Variants in RSF1 observed in about 807,000 individuals in gnomAD.
The protein encoded by RSF1 is remodeling and spacing factor 1, also known as HBV pX-associated protein 8.
RSF1 carries 13 observed loss-of-function variants against 145.2 expected under a neutral mutation model. The ratio of observed to expected loss-of-function variants is 0.09; its 90% CI spans 0.06 to 0.14. The LOEUF is 0.14. Ranked by LOEUF, RSF1 falls within the 10% of genes least tolerant of loss-of-function variation. RSF1 has a pLI of 1.00. For missense variants in RSF1, 1,517 were observed against 1,718.2 expected (o/e 0.88, Z 2.07); for synonymous variants, 577 against 592.6 (o/e 0.97, Z 0.38).
At chr11:77,695,029 T>C (rs1321111049) in intron 7 of RSF1, among the ~76,000 whole-genome samples, 2 of 152,210 alleles carry the variant, frequency 1.3e-5, no homozygotes, top group Non-Finnish European at 2.9e-5. Context: ...ACTGCTGTTA[T>C]TAACTTTGGT....
At chr11:77,815,073 TG>T (rs1948769308) in intron 1 of RSF1, among the ~76,000 whole-genome samples, 1 of 152,112 alleles carries the variant, frequency 6.6e-6, no homozygotes, top group Admixed American at 6.5e-5. Context: ...GATCAGGAAA[TG>T]GAAGTAAAGG....
In RSF1 at chr11:77,741,268, C is replaced by T. The variant is rs567081402; in HGVS notation, c.373-332G>A. On this transcript the variant is annotated intron_variant, in intron 3 of 15. Transcript: ENST00000308488. ...ATAAGATTTTCTGTTTTAGGCCAGG[C>T]ACAGTGGCTGACACCTGTAATCCCA... 2.2e-3 allele frequency among the ~76,000 whole-genome samples: 336 copies of T among 152,260 alleles called. 2 individuals carry two copies. Among genetic ancestry groups the T allele is most frequent in the African/African-American group, 7.9e-3 (328 of 41,538 alleles).
chr11:77,735,100 C>A (rs998884183), intron 4 of RSF1: 4 of 863,450 alleles, frequency 4.6e-6, no homozygotes, highest in Admixed American at 4.0e-5. Context: ...GGCCTTGGGG[C>A]GGTCTGAGGG....
intron 15 of RSF1, among the ~76,000 whole-genome samples, chr11:77,670,958 T>G (rs1321255372): frequency 6.7e-6 from 1 of 150,006 alleles, no homozygotes; most frequent in Non-Finnish European, 1.5e-5. Context: ...AATACAAAAA[T>G]TAGCCAGGCT....
At chr11:77,759,068 C>T (rs572427421) in intron 2 of RSF1, among the ~76,000 whole-genome samples, 1 of 152,248 alleles carries the variant, frequency 6.6e-6, no homozygotes, top group African/African-American at 2.4e-5. Context: ...CTAAGAGTTT[C>T]ATGATTTAGC....
chr11:77,760,247 ATAAAAAGGAAT>A (rs1948158215), intron 2 of RSF1, among the ~76,000 whole-genome samples: 1 of 152,240 alleles, frequency 6.6e-6, no homozygotes, highest in African/African-American at 2.4e-5. Flanking sequence ...GTATTTGGCA[ATAAAAAGGAAT>A]GAGATGATAC....
intron 5 of RSF1, among the ~76,000 whole-genome samples, chr11:77,712,593 T>C (rs763074550): frequency 1.3e-5 from 2 of 152,218 alleles, no homozygotes; most frequent in African/African-American, 4.8e-5. Context: ...AATATCCTGC[T>C]TCTAAACAAA....
chr11:77,683,723 A>G lies in RSF1; in HGVS notation c.3052T>C (p.Cys1018Arg). 3 of 1,611,016 alleles carry G rather than the reference A, an allele frequency of 1.9e-6. No homozygotes were observed. Among genetic ancestry groups the G allele is most frequent in the Non-Finnish European group, 2.5e-6 (3 of 1,177,864 alleles). Residue 1018 changes from cysteine (C) to arginine (R), a missense_variant, in exon 11 of 16, where the codon TGT (cysteine) becomes CGT (arginine). Physicochemically the swap from Cys to Arg is radical, Grantham distance 180. Coordinates refer to ENST00000308488, the MANE Select transcript of RSF1 (RefSeq NM_016578.4). Reference sequence around the variant, plus strand: ...TACACTTCATACCTGTAGCTTATACATTTCCTTGTTCTTGTTGACCTCCTT... The same window carrying G: ...TACACTTCATACCTGTAGCTTATACGTTTCCTTGTTCTTGTTGACCTCCTT... ...LERRSTRTRKCISYRFDEFDE... is the reference protein window; with the variant it reads ...LERRSTRTRKRISYRFDEFDE...
intron 14 of RSF1, among the ~76,000 whole-genome samples, chr11:77,674,029 A>T (rs1959626196): frequency 6.6e-6 from 1 of 152,224 alleles, no homozygotes; most frequent in South Asian, 2.1e-4. Flanking sequence ...CTTGTTAAAA[A>T]TTTGAATGTG....
chr11:77,751,550 T>C (rs1274856574), intron 2 of RSF1, among the ~76,000 whole-genome samples: 1 of 152,350 alleles, frequency 6.6e-6, no homozygotes, highest in East Asian at 1.9e-4. Context: ...CTGAAGGCCA[T>C]TCCTTTGAAA....
chr11:77,782,853 T>C (rs1948417990), intron 1 of RSF1, among the ~76,000 whole-genome samples: 1 of 152,216 alleles, frequency 6.6e-6, no homozygotes, highest in African/African-American at 2.4e-5. Context: ...AAATATTCTT[T>C]AATGTCTGAC....
In RSF1 at chr11:77,759,664, G is replaced by A. The variant is rs1948151412; in HGVS notation, c.279+4934C>T. Among the ~76,000 whole-genome samples, 3 of 151,994 alleles carry A rather than the reference G, an allele frequency of 2.0e-5. No homozygotes were observed. The South Asian group carries it at 6.2e-4, about 32-fold the overall frequency. On this transcript the variant is annotated intron_variant, in intron 2 of 15. Transcript: ENST00000308488. ...GTGCCACTGCACTCACTCCAGCCTG[G>A]CGAAAAAGCAAGACTCCATCTCAAA...
At chr11:77,787,744 T>G (rs1590887137) in intron 1 of RSF1, among the ~76,000 whole-genome samples, 2 of 150,312 alleles carry the variant, frequency 1.3e-5, no homozygotes, top group East Asian at 3.9e-4. Context: ...CATAGGAATA[T>G]AAAAATATCC....
chr11:77,748,443 A>G (rs1357683949), intron 2 of RSF1, among the ~76,000 whole-genome samples: 1 of 151,964 alleles, frequency 6.6e-6, no homozygotes, highest in African/African-American at 2.4e-5. Context: ...AAGATGGACA[A>G]TGGACAGTTT....
chr11:77,719,432 C>T (rs1286267245), intron 5 of RSF1, among the ~76,000 whole-genome samples: 2 of 152,014 alleles, frequency 1.3e-5, no homozygotes, highest in East Asian at 1.9e-4. Context: ...AGACTAAGCC[C>T]GATTTTAGAG....
At chr11:77,751,144 C>T (rs1237984481) in intron 2 of RSF1, among the ~76,000 whole-genome samples, 1 of 151,938 alleles carries the variant, frequency 6.6e-6, no homozygotes, top group Admixed American at 6.6e-5. Flanking sequence ...CGTATCAGCT[C>T]AATATATATA....
chr11:77,834,747 C>G, the RSF1 span, among the ~76,000 whole-genome samples: 1 of 151,942 alleles, frequency 6.6e-6, no homozygotes, highest in African/African-American at 2.4e-5. Context: ...ATTCAAATGG[C>G]TAGGAAAAGA....
the RSF1 span, among the ~76,000 whole-genome samples, chr11:77,868,138 C>T: frequency 1.3e-5 from 2 of 150,272 alleles, no homozygotes; most frequent in African/African-American, 4.9e-5. Context: ...TCACTGCAAG[C>T]TCTGCCTCCC....
chr11:77,698,688 T>A lies in RSF1; in HGVS notation c.2514A>T (p.Lys838Asn), dbSNP rs748601881. Residue 838 changes from lysine (K) to asparagine (N), a missense_variant, in exon 7 of 16, where the codon AAA (lysine) becomes AAT (asparagine). Coordinates refer to ENST00000308488, the MANE Select transcript of RSF1 (RefSeq NM_016578.4). Reference sequence around the variant, plus strand: ...CAGTCCATCGAACTTTGCCTTTGGGTTTTACCTTGTATAAAATAAAAAAAA... The same window carrying A: ...CAGTCCATCGAACTTTGCCTTTGGGATTTACCTTGTATAAAATAAAAAAAA... ...KDTNSKVSKVKPKGKVRWTGS... is the reference protein window; with the variant it reads ...KDTNSKVSKVNPKGKVRWTGS... The A allele has an allele frequency of 1.1e-5, 18 of 1,613,780 alleles. No individual in the cohort carries two copies. In the East Asian group the frequency reaches 4.0e-4, roughly 36 times the overall value.
Sources: gnomAD v4.1 joint callset for allele counts (sites outside exome capture counted in the v4.1 genomes callset) on GRCh38, gnomAD v4.1.1 for gene constraint, MANE v1.5 for transcripts, NCBI Gene and HGNC (gene_info 2026-07-23, HGNC 2026-07-21) for gene names.